The following FHIT variants were observed in gnomAD, a reference collection of about 807,000 sequenced individuals.
The protein encoded by FHIT is bis(5'-adenosyl)-triphosphatase.
A neutral mutation model predicts 17.9 loss-of-function variants in FHIT; 19 were observed. That is an observed-to-expected ratio of 1.06 (90% CI 0.74 to 1.56). The LOEUF is 1.56. Ranked by LOEUF, FHIT falls within the 40% of genes most tolerant of loss-of-function variation. The pLI, the probability that FHIT is intolerant of heterozygous loss-of-function variation, is 0.00. For synonymous variants in FHIT, 81 were observed against 69.7 expected, an observed-to-expected ratio of 1.16 and a Z score of -0.81; for missense variants, 248 against 189.2, an observed-to-expected ratio of 1.31 and a Z score of -1.82.
In FHIT at chr3:59,747,913, G is replaced by C. The variant is rs1255424396; in HGVS notation, c.*1672C>G. The stretch of plus-strand genomic sequence containing the variant: ...GCTGTTTCTCCAAAGTTGGGAGTCA[G>C]TCATATTCCTGTTTAAGATAATCTT... On this transcript the variant is annotated 3_prime_UTR_variant, in exon 10 of 10. Transcript: ENST00000492590. Among the ~76,000 whole-genome samples the C allele has an allele frequency of 6.6e-6, 1 of 152,164 alleles. No homozygotes were observed. Among genetic ancestry groups the C allele is most frequent in the Non-Finnish European group, 1.5e-5 (1 of 68,024 alleles).
At chr3:60,458,510 G>A (rs889969382) in intron 5 of FHIT, among the ~76,000 whole-genome samples, 25 of 151,782 alleles carry the variant, frequency 1.6e-4, no homozygotes, top group African/African-American at 5.8e-4. Context: ...AATGGGTGCA[G>A]CACACCAACA....
intron 5 of FHIT, among the ~76,000 whole-genome samples, chr3:60,124,848 G>C (rs1405870296): frequency 6.6e-6 from 1 of 152,152 alleles, no homozygotes; most frequent in Non-Finnish European, 1.5e-5. Context: ...AAAATGAGAA[G>C]TCCAAGCTTT....
At chr3:61,092,462 A>C (rs1342943435) in intron 2 of FHIT, among the ~76,000 whole-genome samples, 1 of 152,076 alleles carries the variant, frequency 6.6e-6, no homozygotes, top group Non-Finnish European at 1.5e-5. Context: ...TGAGAAAAGC[A>C]AAAAGGCCCC....
chr3:60,239,855 A>C (rs1705037335), intron 5 of FHIT, among the ~76,000 whole-genome samples: 1 of 152,158 alleles, frequency 6.6e-6, no homozygotes, highest in Non-Finnish European at 1.5e-5. Context: ...AAATCTATAG[A>C]TACAGCATCT....
Position 60,032,016 on chromosome 3 carries a change from A to C in FHIT, c.104-17864T>G, listed in dbSNP as rs764463873. The stretch of plus-strand genomic sequence containing the variant: ...TTGCAGTTACCTTGAAATATCATTT[A>C]TTCTAGAAGTACTTATCATTACAAT... On this transcript the variant is annotated intron_variant, in intron 5 of 9. Transcript: ENST00000492590. 2.0e-5 allele frequency among the ~76,000 whole-genome samples: 3 copies of C among 152,196 alleles called. No individual in the cohort carries two copies. In the East Asian group the frequency reaches 5.8e-4, roughly 29 times the overall value.
At position 60,510,204 on chromosome 3, in the gene FHIT, G is replaced by C. The variant is rs117089872; in HGVS notation, c.103+26656C>G. Among the ~76,000 whole-genome samples the C allele has an allele frequency of 2.6e-5, 4 of 152,310 alleles. No individual in the cohort carries two copies. In the East Asian group the frequency reaches 5.8e-4, roughly 22 times the overall value. On this transcript the variant is annotated intron_variant, in intron 5 of 9. Coordinates refer to ENST00000492590, the MANE Select transcript of FHIT (RefSeq NM_002012.4). ...CAATGCCTGAGCTGGCCATCTTGGC[G>C]AGTGGGGAAAACTAGAACAGCACTG...
At chr3:61,209,384 T>C (rs1052979825) in intron 1 of FHIT, among the ~76,000 whole-genome samples, 1 of 152,230 alleles carries the variant, frequency 6.6e-6, no homozygotes, top group Non-Finnish European at 1.5e-5. Context: ...ATTGGGGAAG[T>C]TCTCCTGAAT....
At chr3:59,960,615 T>C (rs1043514347) in intron 7 of FHIT, among the ~76,000 whole-genome samples, 2 of 152,146 alleles carry the variant, frequency 1.3e-5, no homozygotes, top group Non-Finnish European at 2.9e-5. Context: ...TTGGGATAGA[T>C]AGAGAAGGGG....
At chr3:60,562,922 A>C (rs563422414) in intron 4 of FHIT, among the ~76,000 whole-genome samples, 11 of 152,320 alleles carry the variant, frequency 7.2e-5, no homozygotes, top group African/African-American at 2.2e-4. Context: ...AGATCCTCTA[A>C]ATAAAGGGAA....
At chr3:60,292,637 A>G (rs1276319491) in intron 5 of FHIT, among the ~76,000 whole-genome samples, 1 of 152,164 alleles carries the variant, frequency 6.6e-6, no homozygotes, top group South Asian at 2.1e-4. Flanking sequence ...AGATGTAACT[A>G]AATTGCCGGC....
intron 3 of FHIT, among the ~76,000 whole-genome samples, chr3:60,916,617 C>A (rs72889168): frequency 0.034 from 5,218 of 152,278 alleles, 299 homozygotes; most frequent in African/African-American, 0.12. Context: ...AATTTGCAGA[C>A]CTTCTCAGAA....
intron 8 of FHIT, among the ~76,000 whole-genome samples, chr3:59,842,086 G>T (rs1701555739): frequency 6.6e-6 from 1 of 151,934 alleles, no homozygotes; most frequent in Non-Finnish European, 1.5e-5. Context: ...CCAGCTTCTG[G>T]CAACTACCAT....
intron 4 of FHIT, among the ~76,000 whole-genome samples, chr3:60,583,103 T>C (rs1270760294): frequency 6.6e-6 from 1 of 151,864 alleles, no homozygotes; most frequent in Non-Finnish European, 1.5e-5. Flanking sequence ...AAAAACTCTC[T>C]TTACACAGCA....
At chr3:60,817,319 T>C (rs1407763092) in intron 4 of FHIT, among the ~76,000 whole-genome samples, 1 of 152,090 alleles carries the variant, frequency 6.6e-6, no homozygotes, top group African/African-American at 2.4e-5. Flanking sequence ...CCAAAATTTT[T>C]TCATTCCTTC....
rs77202149 is a variant in FHIT at position 60,175,095 on chromosome 3, G to A, written c.104-160943C>T. Among the ~76,000 whole-genome samples the A allele has an allele frequency of 2.1e-3, 327 of 152,268 alleles. 1 individual carries two copies. Among genetic ancestry groups the A allele is most frequent in the African/African-American group, 7.4e-3 (308 of 41,562 alleles). ...TGCTCCTTCGAATTTTATCTTCTGT[G>A]ACGATGACACTATGTCAACCTATCC... On this transcript the variant is annotated intron_variant, in intron 5 of 9. Transcript: ENST00000492590.
intron 5 of FHIT, among the ~76,000 whole-genome samples, chr3:60,409,265 A>G (rs1218488971): frequency 4.6e-5 from 7 of 152,220 alleles, no homozygotes; most frequent in Admixed American, 4.6e-4. Flanking sequence ...GAAACTGTTA[A>G]CCCAAGCACT....
rs148071092 is a variant in FHIT, at chr3:59,949,646, C to T, written c.280-27232G>A. 1.9e-4 allele frequency among the ~76,000 whole-genome samples: 29 copies of T among 152,322 alleles called. No individual in the cohort carries two copies. In the East Asian group the frequency reaches 3.9e-3, roughly 20 times the overall value. On this transcript the variant is annotated intron_variant, in intron 7 of 9. Transcript: ENST00000492590. Reference sequence around the variant, plus strand: ...TCTCAGCTACCACACTTCTAGCTAACGCTGTGACACACTAACGTTTATTGA... The same window carrying T: ...TCTCAGCTACCACACTTCTAGCTAATGCTGTGACACACTAACGTTTATTGA...
intron 5 of FHIT, among the ~76,000 whole-genome samples, chr3:60,141,199 A>G (rs1184880005): frequency 6.6e-6 from 1 of 152,102 alleles, no homozygotes; most frequent in Admixed American, 6.5e-5. Context: ...TTAAAACATA[A>G]TAAGCCCTCT....
At chr3:61,140,621 A>C (rs1460168100) in intron 2 of FHIT, among the ~76,000 whole-genome samples, 1 of 152,192 alleles carries the variant, frequency 6.6e-6, no homozygotes. Context: ...ATACACCCTG[A>C]ATATGACTAC....
Sources: gnomAD v4.1 joint callset for allele counts (sites outside exome capture counted in the v4.1 genomes callset) on GRCh38, gnomAD v4.1.1 for gene constraint, MANE v1.5 for transcripts, NCBI Gene and HGNC (gene_info 2026-07-23, HGNC 2026-07-21) for gene names.